Variants in SYT9 observed in about 807,000 individuals in gnomAD.
SYT9 encodes the protein synaptotagmin-9.
A neutral mutation model predicts 48.4 loss-of-function variants in SYT9; 22 were observed. The observed-to-expected ratio is 0.45, with a 90% CI of 0.32 to 0.65. SYT9 has a LOEUF of 0.65. Ranked by LOEUF, SYT9 falls within the 30% of genes least tolerant of loss-of-function variation. The pLI, the probability that SYT9 is intolerant of heterozygous loss-of-function variation, is 0.03. For synonymous variants in SYT9, 265 were observed against 245.0 expected (o/e 1.08, Z -0.76); for missense variants, 577 against 622.0 (o/e 0.93, Z 0.77).
At chr11:7,324,084 A>C (rs939003778) in intron 3 of SYT9, among the ~76,000 whole-genome samples, 1 of 151,952 alleles carries the variant, frequency 6.6e-6, no homozygotes, top group Admixed American at 6.6e-5. Context: ...CTTTAGGGGA[A>C]ATTAATTCAA....
chr11:7,340,499 T>G (rs190981591), intron 3 of SYT9, among the ~76,000 whole-genome samples: 2 of 152,344 alleles, frequency 1.3e-5, no homozygotes. Flanking sequence ...GGGTATTCTT[T>G]TAACTGCTGG....
At chr11:7,324,914 A>G (rs1849402551) in intron 3 of SYT9, among the ~76,000 whole-genome samples, 1 of 152,086 alleles carries the variant, frequency 6.6e-6, no homozygotes, top group East Asian at 1.9e-4. Flanking sequence ...TATTGATAAA[A>G]TGTGTTTTTC....
intron 3 of SYT9, among the ~76,000 whole-genome samples, chr11:7,381,132 C>T (rs1850554225): frequency 6.6e-6 from 1 of 152,140 alleles, no homozygotes. Context: ...TTACTATCAT[C>T]TGGTCTAAAT....
At chr11:7,384,561 G>C (rs1480803615) in intron 3 of SYT9, among the ~76,000 whole-genome samples, 1 of 152,096 alleles carries the variant, frequency 6.6e-6, no homozygotes, top group Admixed American at 6.6e-5. Flanking sequence ...CACCTGCACT[G>C]CTTTCTTTGG....
chr11:7,397,073 A>G (rs763839664), intron 3 of SYT9, among the ~76,000 whole-genome samples: 6 of 152,124 alleles, frequency 3.9e-5, no homozygotes, highest in Non-Finnish European at 7.4e-5. Context: ...TTTGTTGTCT[A>G]ATCCAAATCG....
intron 3 of SYT9, among the ~76,000 whole-genome samples, chr11:7,347,969 G>C (rs1165118620): frequency 3.3e-5 from 5 of 152,182 alleles, no homozygotes; most frequent in African/African-American, 1.2e-4. Flanking sequence ...CTCTGCTCTA[G>C]CTACATTTAT....
chr11:7,250,458 C>G (rs1020084179), upstream of SYT9, among the ~76,000 whole-genome samples: 14 of 148,364 alleles, frequency 9.4e-5, no homozygotes, highest in African/African-American at 3.5e-4. Flanking sequence ...GCCACCCCCC[C>G]CCAGCATCAC....
intron 3 of SYT9, among the ~76,000 whole-genome samples, chr11:7,342,563 C>T (rs1469315855): frequency 1.3e-5 from 2 of 152,244 alleles, no homozygotes; most frequent in Non-Finnish European, 2.9e-5. Flanking sequence ...TTGGGCAGCT[C>T]TGCCCCTGTG....
At chr11:7,375,983 A>C (rs1020620909) in intron 3 of SYT9, among the ~76,000 whole-genome samples, 88 of 152,022 alleles carry the variant, frequency 5.8e-4, no homozygotes, top group African/African-American at 2.9e-4. Flanking sequence ...ATCCTGCTTA[A>C]AATTTTATTT....
intron 3 of SYT9, among the ~76,000 whole-genome samples, chr11:7,332,365 A>G (rs1849552786): frequency 6.6e-6 from 1 of 152,228 alleles, no homozygotes; most frequent in Non-Finnish European, 1.5e-5. Flanking sequence ...GAATTTTCCC[A>G]AGAAATATAG....
At chr11:7,335,222 A>G (rs1849613101) in intron 3 of SYT9, among the ~76,000 whole-genome samples, 1 of 152,110 alleles carries the variant, frequency 6.6e-6, no homozygotes, top group Non-Finnish European at 1.5e-5. Flanking sequence ...CCTAATAACA[A>G]ATGAAATTGA....
At chr11:7,403,627 C>A (rs1470070133) in intron 3 of SYT9, among the ~76,000 whole-genome samples, 1 of 151,910 alleles carries the variant, frequency 6.6e-6, no homozygotes, top group East Asian at 1.9e-4. Context: ...TTTTTAGATT[C>A]CTTTTCATTA....
At chr11:7,338,345 A>G (rs1036204109) in intron 3 of SYT9, among the ~76,000 whole-genome samples, 17 of 152,080 alleles carry the variant, frequency 1.1e-4, no homozygotes, top group African/African-American at 1.9e-4. Context: ...TCATGTCTCA[A>G]TATTCTTCAG....
chr11:7,247,572 C>CATGT (rs1847806975), upstream of SYT9, among the ~76,000 whole-genome samples: 2 of 142,534 alleles, frequency 1.4e-5, no homozygotes, highest in Admixed American at 1.4e-4. Flanking sequence ...CATATATACA[C>CATGT]ATATACATAT....
chr11:7,384,479 T>C (rs1850621157), intron 3 of SYT9, among the ~76,000 whole-genome samples: 1 of 152,210 alleles, frequency 6.6e-6, no homozygotes, highest in Non-Finnish European at 1.5e-5. Context: ...GGAATTGTCC[T>C]TGACTCTTCT....
upstream of SYT9, among the ~76,000 whole-genome samples, chr11:7,250,844 A>G (rs1440912820): frequency 4.6e-5 from 7 of 152,090 alleles, no homozygotes; most frequent in East Asian, 1.3e-3. Context: ...TAGAGATCCT[A>G]CTCTAATTGC....
chr11:7,399,014 A>G (rs769959932), intron 3 of SYT9, among the ~76,000 whole-genome samples: 1 of 152,118 alleles, frequency 6.6e-6, no homozygotes, highest in African/African-American at 2.4e-5. Flanking sequence ...TGTTTTACTC[A>G]TTGTGGTTTT....
intron 1 of SYT9, among the ~76,000 whole-genome samples, chr11:7,258,617 T>C (rs1848021325): frequency 6.6e-6 from 1 of 152,172 alleles, no homozygotes; most frequent in Admixed American, 6.5e-5. Context: ...GCAAGGACTT[T>C]GGAGTTAGAA....
intron 3 of SYT9, among the ~76,000 whole-genome samples, chr11:7,378,018 A>T (rs1386746): frequency 0.013 from 1,959 of 152,162 alleles, 36 homozygotes; most frequent in African/African-American, 0.043. Flanking sequence ...ATCAAATTCC[A>T]TGTGGTAATA....
Sources: allele counts gnomAD v4.1 joint callset (sites outside exome capture counted in the v4.1 genomes callset), GRCh38; gene constraint gnomAD v4.1.1; transcripts MANE v1.5; gene names NCBI Gene and HGNC (gene_info 2026-07-23, HGNC 2026-07-21).